The following SGCZ variants were observed in gnomAD, a reference collection of about 807,000 sequenced individuals.
SGCZ encodes the protein zeta-sarcoglycan.
A neutral mutation model predicts 41.3 loss-of-function variants in SGCZ; 40 were observed. The observed-to-expected ratio is 0.97, with a 90% CI of 0.75 to 1.26. The LOEUF is 1.26. Ranked by LOEUF, SGCZ falls within the 50% of genes most tolerant of loss-of-function variation. The probability of loss-of-function intolerance (pLI) is 0.00; values close to 1 mark genes in which losing one functional copy is unlikely to be tolerated. For synonymous variants in SGCZ, 206 were observed against 137.5 expected (o/e 1.50, Z -3.49); for missense variants, 552 against 369.8 (o/e 1.49, Z -4.04).
At chr8:15,170,916 T>C (rs1016034258) in intron 1 of SGCZ, among the ~76,000 whole-genome samples, 1 of 152,234 alleles carries the variant, frequency 6.6e-6, no homozygotes, top group African/African-American at 2.4e-5. Context: ...AGTGAAATGT[T>C]TTGAATAAAT....
At chr8:14,157,122 A>G (rs569615289) in intron 5 of SGCZ, among the ~76,000 whole-genome samples, 4 of 152,132 alleles carry the variant, frequency 2.6e-5, no homozygotes, top group South Asian at 2.1e-4. Context: ...TGACAAACAT[A>G]TAAGTAGTAT....
chr8:14,253,094 G>A (rs1223012419), intron 3 of SGCZ, among the ~76,000 whole-genome samples: 1 of 152,114 alleles, frequency 6.6e-6, no homozygotes, highest in South Asian at 2.1e-4. Context: ...GAGTATGGAG[G>A]TAAGGGTTGA....
intron 1 of SGCZ, among the ~76,000 whole-genome samples, chr8:14,590,232 T>C (rs74512756): frequency 0.13 from 19,352 of 151,972 alleles, 1,413 homozygotes; most frequent in East Asian, 0.34. Context: ...ACAGAGGATA[T>C]GAATAAAAAA....
intron 2 of SGCZ, among the ~76,000 whole-genome samples, chr8:14,331,693 T>C (rs1321737909): frequency 1.3e-5 from 2 of 152,104 alleles, no homozygotes; most frequent in Admixed American, 1.3e-4. Flanking sequence ...TCTTTGCCAA[T>C]AGTTGTTCAA....
Position 14,156,789 on chromosome 8 carries a change from C to T in SGCZ, c.547+7791G>A, listed in dbSNP as rs186169193. 1.3e-4 allele frequency among the ~76,000 whole-genome samples: 20 copies of T among 152,258 alleles called. No individual in the cohort carries two copies. In the East Asian group the frequency reaches 3.5e-3, roughly 27 times the overall value. On this transcript the variant is annotated intron_variant, in intron 5 of 7. Coordinates refer to ENST00000382080, the MANE Select transcript of SGCZ (RefSeq NM_139167.4). Reference sequence around the variant, plus strand: ...TACAAAGAATCAAGTTCATCAATATCACTGTCTTCCAGCTCCACATCTTGT... The same window carrying T: ...TACAAAGAATCAAGTTCATCAATATTACTGTCTTCCAGCTCCACATCTTGT...
chr8:14,444,073 A>C (rs1307609511), intron 2 of SGCZ, among the ~76,000 whole-genome samples: 11 of 152,336 alleles, frequency 7.2e-5, no homozygotes, highest in African/African-American at 1.4e-4. Context: ...GCTCATCATC[A>C]CTGGCCATCA....
intron 1 of SGCZ, among the ~76,000 whole-genome samples, chr8:14,775,007 A>G (rs1422718142): frequency 6.6e-6 from 1 of 152,206 alleles, no homozygotes; most frequent in Non-Finnish European, 1.5e-5. Flanking sequence ...AAATGCTTGT[A>G]TGGAAAATAT....
intron 1 of SGCZ, among the ~76,000 whole-genome samples, chr8:14,708,088 A>G (rs1315846127): frequency 6.6e-6 from 1 of 152,064 alleles, no homozygotes; most frequent in East Asian, 1.9e-4. Flanking sequence ...TTTTTCTACC[A>G]TAATTTCAAG....
intron 1 of SGCZ, among the ~76,000 whole-genome samples, chr8:14,747,234 T>C (rs997958736): frequency 1.3e-5 from 2 of 152,152 alleles, no homozygotes; most frequent in African/African-American, 4.8e-5. Context: ...CAGTCAGAGG[T>C]GCTGAGTCGT....
chr8:14,832,891 T>A (rs1466459540), intron 1 of SGCZ, among the ~76,000 whole-genome samples: 1 of 152,180 alleles, frequency 6.6e-6, no homozygotes, highest in Non-Finnish European at 1.5e-5. Flanking sequence ...TAGGTTTTTT[T>A]AACTATAATA....
intron 1 of SGCZ, among the ~76,000 whole-genome samples, chr8:14,829,843 G>A (rs567207991): frequency 1.3e-5 from 2 of 151,920 alleles, no homozygotes; most frequent in Non-Finnish European, 2.9e-5. Flanking sequence ...ACGGATTCTC[G>A]CTCTGTCGCC....
intron 3 of SGCZ, among the ~76,000 whole-genome samples, chr8:14,299,058 T>G (rs117490190): frequency 3.3e-5 from 5 of 152,116 alleles, no homozygotes; most frequent in Non-Finnish European, 7.4e-5. Flanking sequence ...AAAACTGATT[T>G]TCAACAAAGT....
At chr8:14,446,584 G>A (rs1052224561) in intron 2 of SGCZ, among the ~76,000 whole-genome samples, 6 of 152,124 alleles carry the variant, frequency 3.9e-5, no homozygotes, top group Non-Finnish European at 7.4e-5. Flanking sequence ...GCATTTTACT[G>A]TGCTACAAAA....
At chr8:14,287,428 C>T (rs1800678724) in intron 3 of SGCZ, among the ~76,000 whole-genome samples, 1 of 146,104 alleles carries the variant, frequency 6.8e-6, no homozygotes, top group East Asian at 2.1e-4. Context: ...ATTATATTAC[C>T]GATTTCTGTC....
chr8:14,107,014 A>G (rs1050234887), intron 6 of SGCZ, among the ~76,000 whole-genome samples: 25 of 152,236 alleles, frequency 1.6e-4, no homozygotes, highest in African/African-American at 5.5e-4. Flanking sequence ...CAGGAGATAG[A>G]GACTATCCGG....
In SGCZ at chr8:14,615,004, G is replaced by C. The variant is rs1806052136; in HGVS notation, c.40-60078C>G. Among the ~76,000 whole-genome samples, 5 of 147,254 alleles carry C rather than the reference G, an allele frequency of 3.4e-5. 1 individual carries two copies. In the South Asian group the frequency reaches 1.1e-3, roughly 31 times the overall value. On this transcript the variant is annotated intron_variant, in intron 1 of 7. Coordinates refer to ENST00000382080, the MANE Select transcript of SGCZ (RefSeq NM_139167.4). ...CACATATGTGTGTGTATATATGTGT[G>C]TGTGTGTGTATATATATATATGAAA... is the stretch of plus-strand genomic sequence containing the variant.
intron 2 of SGCZ, among the ~76,000 whole-genome samples, chr8:14,385,307 G>C (rs539463181): frequency 7.9e-5 from 12 of 152,260 alleles, no homozygotes; most frequent in African/African-American, 2.9e-4. Flanking sequence ...CTAGTTGTAA[G>C]TTAACTAAGA....
intron 4 of SGCZ, among the ~76,000 whole-genome samples, chr8:14,203,638 G>A (rs1805526614): frequency 6.6e-6 from 1 of 152,152 alleles, no homozygotes. Flanking sequence ...AAGATGAATA[G>A]AGGTGAAGGT....
At chr8:14,526,863 T>G (rs942397344) in intron 2 of SGCZ, among the ~76,000 whole-genome samples, 1 of 152,130 alleles carries the variant, frequency 6.6e-6, no homozygotes, top group Non-Finnish European at 1.5e-5. Context: ...CAAATTCCAC[T>G]ATGTGATCAA....
Sources: gnomAD v4.1 joint callset for allele counts (sites outside exome capture counted in the v4.1 genomes callset) on GRCh38, gnomAD v4.1.1 for gene constraint, MANE v1.5 for transcripts, NCBI Gene and HGNC (gene_info 2026-07-23, HGNC 2026-07-21) for gene names.